Variants in EEFSEC observed in about 807,000 individuals in gnomAD.
EEFSEC encodes the protein eukaryotic elongation factor, selenocysteine-tRNA specific.
EEFSEC carries 43 observed loss-of-function variants against 42.1 expected under a neutral mutation model. That is an observed-to-expected ratio of 1.02 (90% confidence interval 0.80 to 1.32). The LOEUF (loss-of-function observed/expected upper bound fraction) is 1.32. Ranked by LOEUF, EEFSEC falls within the 40% of genes most tolerant of loss-of-function variation. EEFSEC has a pLI of 0.00. For synonymous variants in EEFSEC, 354 were observed against 339.1 expected, an observed-to-expected ratio of 1.04 and a Z score of -0.48; for missense variants, 745 against 803.6, an observed-to-expected ratio of 0.93 and a Z score of 0.88.
intron 4 of EEFSEC, among the ~76,000 whole-genome samples, chr3:128,281,006 A>G (rs905053217): frequency 1.3e-5 from 2 of 152,124 alleles, no homozygotes; most frequent in African/African-American, 4.8e-5. Context: ...AGCAGCTGCC[A>G]TCTTTGCTGA....
intron 1 of EEFSEC, among the ~76,000 whole-genome samples, chr3:128,243,413 T>A (rs751459532): frequency 2.6e-5 from 4 of 152,238 alleles, no homozygotes; most frequent in Admixed American, 6.5e-5. Flanking sequence ...GTCATTCCCC[T>A]ACTGGATAGT....
chr3:128,287,331 G>A (rs1023331180), intron 4 of EEFSEC, among the ~76,000 whole-genome samples: 3 of 152,092 alleles, frequency 2.0e-5, no homozygotes, highest in African/African-American at 7.2e-5. Context: ...GGGGGAGGAA[G>A]GAATGAGATC....
intron 1 of EEFSEC, among the ~76,000 whole-genome samples, chr3:128,213,440 G>T (rs2065779528): frequency 6.6e-6 from 1 of 152,182 alleles, no homozygotes; most frequent in Admixed American, 6.5e-5. Flanking sequence ...TGTACCTGAA[G>T]AATTGACACT....
At chr3:128,238,031 G>T (rs979754344) in intron 1 of EEFSEC, among the ~76,000 whole-genome samples, 18 of 152,296 alleles carry the variant, frequency 1.2e-4, no homozygotes, top group African/African-American at 4.3e-4. Context: ...GACAGCCCTT[G>T]GTACTAGCGC....
At chr3:128,400,821 C>T (rs754912495) in intron 6 of EEFSEC, among the ~76,000 whole-genome samples, 10 of 152,196 alleles carry the variant, frequency 6.6e-5, no homozygotes, top group Non-Finnish European at 1.3e-4. Flanking sequence ...CGCATTCTTC[C>T]CTGATTACCC....
intron 6 of EEFSEC, among the ~76,000 whole-genome samples, chr3:128,364,958 G>T (rs192073350): frequency 8.5e-5 from 13 of 152,370 alleles, no homozygotes; most frequent in African/African-American, 3.1e-4. Flanking sequence ...GGGGCCAGCA[G>T]GAGTAAGTGG....
At chr3:128,396,249 T>G (rs887421623) in intron 6 of EEFSEC, among the ~76,000 whole-genome samples, 3 of 152,126 alleles carry the variant, frequency 2.0e-5, no homozygotes, top group Non-Finnish European at 4.4e-5. Context: ...GCGGCGCTAG[T>G]GGAGAAGAGA....
At chr3:128,301,318 C>A (rs1159255338) in intron 4 of EEFSEC, among the ~76,000 whole-genome samples, 1 of 152,188 alleles carries the variant, frequency 6.6e-6, no homozygotes, top group Non-Finnish European at 1.5e-5. Context: ...TTTACCTGGG[C>A]AGCTCCTACC....
At chr3:128,235,421 TACATAGTTCA>T (rs1393208854) in intron 1 of EEFSEC, among the ~76,000 whole-genome samples, 1 of 152,214 alleles carries the variant, frequency 6.6e-6, no homozygotes. Flanking sequence ...CGTATGTATG[TACATAGTTCA>T]AAATCTTAAA....
At chr3:128,235,057 A>C (rs1174853262) in intron 1 of EEFSEC, among the ~76,000 whole-genome samples, 1 of 151,830 alleles carries the variant, frequency 6.6e-6, no homozygotes, top group Non-Finnish European at 1.5e-5. Context: ...TTACTTACTT[A>C]CTTATTTATT....
At chr3:128,221,554 A>G (rs2065861253) in intron 1 of EEFSEC, among the ~76,000 whole-genome samples, 1 of 152,238 alleles carries the variant, frequency 6.6e-6, no homozygotes, top group Non-Finnish European at 1.5e-5. Flanking sequence ...AAATTAACAT[A>G]GAAACTGGTG....
chr3:128,220,692 A>G (rs1384854566), intron 1 of EEFSEC, among the ~76,000 whole-genome samples: 1 of 152,238 alleles, frequency 6.6e-6, no homozygotes, highest in Non-Finnish European at 1.5e-5. Context: ...TGAGGGAACC[A>G]GTACAGAATG....
chr3:128,301,805 C>A (rs1439734664), intron 4 of EEFSEC, among the ~76,000 whole-genome samples: 1 of 152,030 alleles, frequency 6.6e-6, no homozygotes, highest in East Asian at 1.9e-4. Flanking sequence ...CATGTCGCAA[C>A]ATTTAATGAG....
At chr3:128,168,277 ACAGC>A (rs2065261608) in intron 1 of EEFSEC, among the ~76,000 whole-genome samples, 1 of 152,188 alleles carries the variant, frequency 6.6e-6, no homozygotes, top group Non-Finnish European at 1.5e-5. Flanking sequence ...GTGGGAGGCC[ACAGC>A]TTTGCCCAGG....
At chr3:128,352,936 T>G (rs1051835003) in intron 5 of EEFSEC, among the ~76,000 whole-genome samples, 6 of 152,266 alleles carry the variant, frequency 3.9e-5, no homozygotes, top group African/African-American at 1.2e-4. Context: ...ACCTGTGATG[T>G]AAACAGTGCT....
the EEFSEC span, among the ~76,000 whole-genome samples, chr3:128,420,210 G>T: frequency 6.6e-6 from 1 of 152,218 alleles, no homozygotes; most frequent in Non-Finnish European, 1.5e-5. Context: ...GCGTGGCTCC[G>T]CCTGCTTGGA....
chr3:128,262,018 G>C, intron 2 of EEFSEC, 110 bp from the exon 3 acceptor site: 1 of 961,022 alleles, frequency 1.0e-6, no homozygotes, highest in Non-Finnish European at 1.6e-6. Context: ...GATGTGGGGA[G>C]AGAAGAGGAT....
chr3:128,361,129 C>T (rs2067521228), intron 6 of EEFSEC, among the ~76,000 whole-genome samples: 1 of 152,160 alleles, frequency 6.6e-6, no homozygotes, highest in South Asian at 2.1e-4. Flanking sequence ...TTCAGATGCA[C>T]TTCATGGGCC....
chr3:128,353,516 G>A (rs1430777734), intron 5 of EEFSEC, among the ~76,000 whole-genome samples: 1 of 152,228 alleles, frequency 6.6e-6, no homozygotes, highest in Non-Finnish European at 1.5e-5. Flanking sequence ...CTTGGGGATT[G>A]TCTTCTGCAA....
Sources: gnomAD v4.1 joint callset for allele counts (sites outside exome capture counted in the v4.1 genomes callset) on GRCh38, gnomAD v4.1.1 for gene constraint, MANE v1.5 for transcripts, NCBI Gene and HGNC (gene_info 2026-07-23, HGNC 2026-07-21) for gene names.